ATXN7L1: variants seen among roughly 807,000 people sequenced by gnomAD.
The protein encoded by ATXN7L1 is ataxin 7 like 1.
A neutral mutation model predicts 70.8 loss-of-function variants in ATXN7L1; 15 were observed. The ratio of observed to expected loss-of-function variants is 0.21; its 90% CI spans 0.14 to 0.33. The LOEUF is 0.33. ATXN7L1 is among the 10% of genes least tolerant of loss of function. The probability of loss-of-function intolerance (pLI) is 1.00; values close to 1 mark genes in which losing one functional copy is unlikely to be tolerated. For missense variants in ATXN7L1, 975 were observed against 1,097.1 expected (o/e 0.89, Z 1.57); for synonymous variants, 440 against 445.1 (o/e 0.99, Z 0.14).
chr7:105,786,025 G>C (rs1804241053), intron 3 of ATXN7L1, among the ~76,000 whole-genome samples: 1 of 152,170 alleles, frequency 6.6e-6, no homozygotes, highest in Non-Finnish European at 1.5e-5. Context: ...TCCCCACAAA[G>C]AGCTACAATG....
chr7:105,758,616 G>A (rs76910568), intron 3 of ATXN7L1, among the ~76,000 whole-genome samples: 6,812 of 152,312 alleles, frequency 0.045, 229 homozygotes, highest in Non-Finnish European at 0.061. Flanking sequence ...TCTGAAAGGG[G>A]GCCCTCCCCT....
chr7:105,764,734 C>T (rs1479449924), intron 3 of ATXN7L1, among the ~76,000 whole-genome samples: 1 of 152,068 alleles, frequency 6.6e-6, no homozygotes, highest in East Asian at 1.9e-4. Flanking sequence ...AGACATAATC[C>T]AAGGAATGGA....
intron 4 of ATXN7L1, among the ~76,000 whole-genome samples, chr7:105,643,703 A>T (rs779579069): frequency 8.5e-5 from 13 of 152,200 alleles, no homozygotes; most frequent in Non-Finnish European, 1.3e-4. Context: ...GATGGGCTCA[A>T]ATTGAGTGAG....
At position 105,610,614 on chromosome 7, in the gene ATXN7L1, C is replaced by A; in HGVS notation, c.2473-11G>T. On this transcript the variant is annotated splice_polypyrimidine_tract_variant and intron_variant, in intron 10 of 11. Transcript: ENST00000419735. ...GCTATTTTTCCCAACCTGAAAGACA[C>A]CATTGAAGCCCCACTCAGACACACG... 1.3e-6 allele frequency: 2 copies of A among 1,550,826 alleles called. No homozygotes were observed. The highest frequency in any genetic ancestry group is 1.7e-6 in the Non-Finnish European group (2 of 1,146,512).
rs192664230 is a variant in ATXN7L1 at position 105,614,130 on chromosome 7, G to A, written c.2204C>T (p.Ala735Val). ...ACAGGAGTCACTGCTGCCTCCCACC[G>A]CGCCCACCTGTCTCACTATGTCCGC... is the stretch of plus-strand genomic sequence containing the variant. ...GPADIVRQVG[A>V]VGGSSDSCPL... Residue 735 changes from alanine (A) to valine (V), a missense_variant, in exon 10 of 12, where the codon GCG becomes GTG. Around this residue, in one of 5 missense-constraint regions of ATXN7L1, gnomAD observed 635 missense variants for 699.4 expected, o/e 0.91. Coordinates refer to ENST00000419735, the MANE Select transcript of ATXN7L1 (RefSeq NM_020725.2). The surrounding 1 kb of genome is among the most constrained non-coding windows in gnomAD (Gnocchi z 4.3). 8.6e-5 allele frequency: 134 copies of A among 1,551,608 alleles called. 1 individual carries two copies. Among genetic ancestry groups the A allele is most frequent in the South Asian group, 2.9e-4 (24 of 84,064 alleles).
At chr7:105,751,854 C>T (rs1475920087) in intron 3 of ATXN7L1, among the ~76,000 whole-genome samples, 1 of 152,224 alleles carries the variant, frequency 6.6e-6, no homozygotes, top group Non-Finnish European at 1.5e-5. Flanking sequence ...GTCAGCTCTG[C>T]CTTTCCATGG....
intron 5 of ATXN7L1, among the ~76,000 whole-genome samples, chr7:105,641,082 GT>G (rs1029278853): frequency 1.8e-4 from 27 of 152,110 alleles, no homozygotes; most frequent in African/African-American, 6.3e-4. Flanking sequence ...TCATGGGGAG[GT>G]TGCAATGGTG....
intron 11 of ATXN7L1, among the ~76,000 whole-genome samples, chr7:105,609,142 T>C (rs1185339533): frequency 6.6e-6 from 1 of 152,036 alleles, no homozygotes; most frequent in Admixed American, 6.5e-5. Flanking sequence ...AGAGTGCTGA[T>C]GGACAGACAC....
intron 3 of ATXN7L1, among the ~76,000 whole-genome samples, chr7:105,746,445 G>C (rs1177871323): frequency 3.3e-5 from 5 of 152,092 alleles, no homozygotes; most frequent in African/African-American, 1.2e-4. Context: ...GTTGTCCCAG[G>C]GGCATGAGAG....
At position 105,876,461 on chromosome 7, in the gene ATXN7L1, T is replaced by C; in HGVS notation, c.98A>G (p.Asp33Gly). ...QQEGRAMATL[D>G]RKVPSPEAFL... is the part of the protein sequence containing the mutation. ...CGCCTCCGGACTGGGCACTTTGCGA[T>C]CCAGTGTCGCCATTGCTCTTCCTTC... Residue 33 changes from aspartate (D) to glycine (G), a missense_variant, in exon 1 of 12, where the codon GAT becomes GGT. Physicochemically the swap from Asp to Gly is moderately conservative, Grantham distance 94. Coordinates refer to ENST00000419735, the MANE Select transcript of ATXN7L1 (RefSeq NM_020725.2). 6.2e-7 allele frequency: 1 copy of C among 1,613,960 alleles called. No homozygotes were observed.
At chr7:105,852,235 CT>C in intron 2 of ATXN7L1, among the ~76,000 whole-genome samples, 1 of 152,326 alleles carries the variant, frequency 6.6e-6, no homozygotes, top group African/African-American at 2.4e-5. Flanking sequence ...CAGTCCTCCC[CT>C]CATCTCACAG....
chr7:105,876,407 A>C lies in ATXN7L1; in HGVS notation c.152T>G (p.Ile51Ser), dbSNP rs1335594580. 2 of 1,611,734 alleles carry C rather than the reference A, an allele frequency of 1.2e-6. No individual in the cohort carries two copies. The highest frequency in any genetic ancestry group is 2.2e-5 in the South Asian group (2 of 90,572). ...AFLGKPWSSWIDAAKLHCSDN... is the reference protein window; with the variant it reads ...AFLGKPWSSWSDAAKLHCSDN... ...GGAGCAGTGTAATTTGGCGGCGTCG[A>C]TCCAGGAGGACCAGGGTTTGCCCAG... Residue 51 changes from isoleucine (I) to serine (S), a missense_variant, in exon 1 of 12, where the codon ATC (isoleucine) becomes AGC (serine). Physicochemically the swap from Ile to Ser is moderately radical, Grantham distance 142 (BLOSUM62 -2). Transcript: ENST00000419735.
At chr7:105,778,094 A>G (rs964909378) in intron 3 of ATXN7L1, among the ~76,000 whole-genome samples, 2 of 152,198 alleles carry the variant, frequency 1.3e-5, no homozygotes, top group African/African-American at 2.4e-5. Flanking sequence ...TGCTCAATAA[A>G]TATTTTTCAA....
rs1178647079 is a variant in ATXN7L1, at chr7:105,605,897, GGTCA to G, written c.*1951_*1954del. On this transcript the variant is annotated 3_prime_UTR_variant, in exon 12 of 12. Transcript: ENST00000419735. ...TTCATATTGTTTCTGAAACTATTCT[GGTCA>G]GTTAGCTCTGTAATATAGTAAAACA... 1 of 151,894 alleles carries G rather than the reference GGTCA, an allele frequency of 6.6e-6. No homozygotes were observed. The highest frequency in any genetic ancestry group is 1.5e-5 in the Non-Finnish European group (1 of 67,962). The allele number at this position is 151,894 out of a possible 1,614,324, so 9.4% of individuals were successfully genotyped here. A position where few individuals can be genotyped will look rare whatever the true frequency, so the allele number is the denominator to read the frequency against.
chr7:105,730,184 CA>C (rs992507503), intron 3 of ATXN7L1, among the ~76,000 whole-genome samples: 4 of 152,106 alleles, frequency 2.6e-5, no homozygotes, highest in African/African-American at 9.7e-5. Context: ...CTACCTCAGT[CA>C]GGTGATCAAG....
At chr7:105,670,779 T>G (rs1803431120) in intron 3 of ATXN7L1, among the ~76,000 whole-genome samples, 1 of 150,762 alleles carries the variant, frequency 6.6e-6, no homozygotes, top group Admixed American at 6.6e-5. Context: ...CTAGCCAACA[T>G]GGTGAAACCC....
intron 2 of ATXN7L1, among the ~76,000 whole-genome samples, chr7:105,867,236 A>G (rs1025698942): frequency 2.0e-5 from 3 of 152,152 alleles, no homozygotes; most frequent in African/African-American, 7.2e-5. Context: ...GAAATCATGA[A>G]AGCAGCCACT....
At chr7:105,782,190 A>G (rs1278195395) in intron 3 of ATXN7L1, among the ~76,000 whole-genome samples, 2 of 152,192 alleles carry the variant, frequency 1.3e-5, no homozygotes, top group East Asian at 3.8e-4. Flanking sequence ...CTCAACCACT[A>G]GGCTCACACG....
chr7:105,865,177 A>T (rs941910495), intron 2 of ATXN7L1, among the ~76,000 whole-genome samples: 4 of 152,198 alleles, frequency 2.6e-5, no homozygotes, highest in African/African-American at 9.7e-5. Flanking sequence ...TCCATTACTG[A>T]GTACCTACTT....
Sources: gnomAD v4.1 joint callset for allele counts (sites outside exome capture counted in the v4.1 genomes callset) on GRCh38, gnomAD v4.1.1 for gene constraint, gnomAD v4.1.1 regional missense constraint, Gnocchi (gnomAD v3.1) non-coding constraint, MANE v1.5 for transcripts, NCBI Gene and HGNC (gene_info 2026-07-23, HGNC 2026-07-21) for gene names.